MGAM2: variants seen among roughly 807,000 people sequenced by gnomAD.
MGAM2 encodes maltase-glucoamylase 2 (putative).
Under a neutral mutation model 96.1 loss-of-function variants are expected in MGAM2, and 98 were observed. That is an observed-to-expected ratio of 1.02 (90% CI 0.87 to 1.21). The LOEUF (loss-of-function observed/expected upper bound fraction) is 1.21, where lower values mean the gene tolerates loss of function less well. Among genes scored for constraint, MGAM2 ranks in the 50% most tolerant of loss-of-function variants. MGAM2 has a pLI of 0.00. For missense variants in MGAM2, 2,055 were observed against 1,182.4 expected (o/e 1.74, Z -10.82); for synonymous variants, 749 against 414.8 (o/e 1.81, Z -9.79).
intron 46 of MGAM2, 37 bp downstream of exon 46, chr7:142,208,659 C>T: frequency 1.4e-6 from 1 of 698,822 alleles, no homozygotes; most frequent in South Asian, 1.5e-5. Context: ...AATCTTTTCC[C>T]AGGTGTCTAC....
intron 1 of MGAM2, among the ~76,000 whole-genome samples, chr7:142,114,216 G>GAAAGAAAGAGAGAAAGAA (rs1554499599): frequency 2.9e-5 from 2 of 68,032 alleles, no homozygotes; most frequent in Admixed American, 1.6e-4. Flanking sequence ...GAAAGAAAGA[G>GAAAGAAAGAGAGAAAGAA]AGAAAGAAAG....
In MGAM2 at chr7:142,161,971, G is replaced by T. The variant is rs1374641615; in HGVS notation, c.2451G>T (p.Lys817Asn). Reference sequence around the variant, plus strand: ...CTTTTTTAGATGCTGTGACTGAAAAGAAGTATATTCTATATGATTTCTCTG... The same window carrying T: ...CTTTTTTAGATGCTGTGACTGAAAATAAGTATATTCTATATGATTTCTCTG... The part of the protein sequence containing the change: ...DGVSKDAVTE[K>N]KYILYDFSVT... Residue 817 changes from lysine (K) to asparagine (N), a missense_variant, in exon 23 of 48, where the codon AAG (lysine) becomes AAT (asparagine). Physicochemically the swap from Lys to Asn is moderately conservative, Grantham distance 94. Coordinates refer to ENST00000477922, the MANE Select transcript of MGAM2 (RefSeq NM_001293626.2). 9 of 697,614 alleles carry T rather than the reference G, an allele frequency of 1.3e-5. No individual in the cohort carries two copies. Among genetic ancestry groups the T allele is most frequent in the Non-Finnish European group, 2.1e-5 (8 of 383,134 alleles). 43.2% of individuals were successfully genotyped at this position (697,614 alleles called of 1,614,324 possible).
At chr7:142,162,835 G>C (rs542785004) in intron 23 of MGAM2, among the ~76,000 whole-genome samples, 1 of 151,368 alleles carries the variant, frequency 6.6e-6, no homozygotes, top group Non-Finnish European at 1.5e-5. Context: ...TAAACCTATA[G>C]CACAATTTCA....
Position 142,169,993 on chromosome 7 carries a change from T to A in MGAM2, c.3028-82T>A, listed in dbSNP as rs938871620. 1.5e-5 allele frequency: 9 copies of A among 614,900 alleles called. No homozygotes were observed. In the African/African-American group the frequency reaches 1.7e-4, roughly 11 times the overall value. The allele number at this position is 614,900 out of a possible 1,614,324, so 38.1% of individuals were successfully genotyped here. On this transcript the variant is annotated intron_variant, in intron 26 of 47. Transcript: ENST00000477922. ...ATATGGTGCAAACTGGTCAAAAACA[T>A]GGAAACTGAATTATATGGGGTGGCA...
intron 34 of MGAM2, 72 bp downstream of exon 34, chr7:142,185,211 ATAAG>A: frequency 1.5e-6 from 1 of 684,076 alleles, no homozygotes. Flanking sequence ...ATCCTGATGA[ATAAG>A]TAGCTAACCC....
At chr7:142,198,882 C>T (rs540955108) in intron 44 of MGAM2, 143 bp downstream of exon 44, 2 of 554,920 alleles carry the variant, frequency 3.6e-6, no homozygotes, top group Middle Eastern at 9.4e-4. Context: ...CCTGTGAGTG[C>T]TTTCTGAGTG....
At chr7:142,113,556 C>T (rs555380646) in intron 1 of MGAM2, among the ~76,000 whole-genome samples, 1 of 151,876 alleles carries the variant, frequency 6.6e-6, no homozygotes, top group South Asian at 2.1e-4. Context: ...TTCTATTCCT[C>T]AAGTTATTAA....
chr7:142,208,973 C>T (rs917113817), intron 46 of MGAM2, among the ~76,000 whole-genome samples: 30 of 152,112 alleles, frequency 2.0e-4, no homozygotes, highest in African/African-American at 6.0e-4. Flanking sequence ...GCATAAAAGA[C>T]GACCTCAAAA....
rs143271328 is a variant in MGAM2 at position 142,183,702 on chromosome 7, G to A, written c.3924+329G>A. 1.8e-3 allele frequency among the ~76,000 whole-genome samples: 268 copies of A among 152,212 alleles called. 3 individuals carry two copies. Among genetic ancestry groups the A allele is most frequent in the African/African-American group, 5.5e-3 (227 of 41,550 alleles). ...CCAGACACCTGCATGCAAAACATGC[G>A]TTCACCTTTGACCTATCATGCTTAA... is the stretch of plus-strand genomic sequence containing the variant. On this transcript the variant is annotated intron_variant, in intron 33 of 47. Coordinates refer to ENST00000477922, the MANE Select transcript of MGAM2 (RefSeq NM_001293626.2).
intron 22 of MGAM2, 78 bp downstream of exon 22, chr7:142,161,291 T>C: frequency 1.5e-6 from 1 of 680,304 alleles, no homozygotes; most frequent in South Asian, 1.6e-5. Context: ...CTGCCCAATA[T>C]GGCACTAACC....
chr7:142,220,589 A>G lies in MGAM2; in HGVS notation c.6078A>G (p.Ala2026=), dbSNP rs572923223. 1 of 698,404 alleles carries G rather than the reference A, an allele frequency of 1.4e-6. No homozygotes were observed. Among genetic ancestry groups the G allele is most frequent in the South Asian group, 1.5e-5 (1 of 66,916 alleles). The allele number at this position is 698,404 out of a possible 1,614,324, so 43.3% of individuals were successfully genotyped here. A position where few individuals can be genotyped will look rare whatever the true frequency, so the allele number is the denominator to read the frequency against. The change falls in exon 48 of 48, where the codon GCA becomes GCG. Residue 2026 remains alanine, a synonymous_variant. Coordinates refer to ENST00000477922, the MANE Select transcript of MGAM2 (RefSeq NM_001293626.2). ...TPVPITTTLF[A]TSTIGVTTGT... is the part of the protein sequence containing the mutation. ...TTCCTATCACAACCACACTTTTTGC[A>G]ACAAGTACTATTGGTGTTACAACTG...
intron 15 of MGAM2, among the ~76,000 whole-genome samples, chr7:142,151,046 G>C (rs1017741720): frequency 2.6e-5 from 4 of 152,146 alleles, no homozygotes; most frequent in African/African-American, 9.7e-5. Flanking sequence ...TGCCACATTT[G>C]TTCATATTCC....
intron 16 of MGAM2, 100 bp from the exon 17 acceptor site, chr7:142,154,629 A>T (rs1460097591): frequency 1.8e-5 from 12 of 650,880 alleles, no homozygotes; most frequent in Non-Finnish European, 3.1e-5. Context: ...GCATGGGATG[A>T]TGTGACAAAG....
intron 10 of MGAM2, among the ~76,000 whole-genome samples, chr7:142,139,295 C>T (rs1159819604): frequency 1.3e-5 from 2 of 152,142 alleles, no homozygotes; most frequent in South Asian, 2.1e-4. Context: ...AGATGCATAA[C>T]ATGTGGCTAA....
At chr7:142,208,950 A>C (rs955788111) in intron 46 of MGAM2, among the ~76,000 whole-genome samples, 10 of 152,242 alleles carry the variant, frequency 6.6e-5, no homozygotes, top group African/African-American at 2.2e-4. Context: ...TAAGCTACTT[A>C]TTATGCAATA....
In MGAM2 at chr7:142,220,651, C is replaced by T. The variant is rs182529662; in HGVS notation, c.6140C>T (p.Thr2047Ile). ...CCTGATACAACTGCTCCTTTCCCTACAAGTACTACTAGTACTAGCACTAGT... is the reference window on the plus strand; with the variant it reads ...CCTGATACAACTGCTCCTTTCCCTATAAGTACTACTAGTACTAGCACTAGT... ...TVPDTTAPFP[T>I]STTSTSTSAT... Residue 2047 changes from threonine to isoleucine, a missense_variant, in exon 48 of 48, where the codon ACA becomes ATA. Coordinates refer to ENST00000477922, the MANE Select transcript of MGAM2 (RefSeq NM_001293626.2). 75 of 702,318 alleles carry T rather than the reference C, an allele frequency of 1.1e-4. No individual in the cohort carries two copies. The Admixed American group carries it at 1.2e-3, about 11-fold the overall frequency. The allele number at this position is 702,318 out of a possible 1,614,324, so 43.5% of individuals were successfully genotyped here. A position where few individuals can be genotyped will look rare whatever the true frequency, so the allele number is the denominator to read the frequency against.
intron 16 of MGAM2, 144 bp from the exon 17 acceptor site, chr7:142,154,585 G>T: frequency 1.7e-6 from 1 of 603,406 alleles, no homozygotes; most frequent in Non-Finnish European, 3.0e-6. Flanking sequence ...TCCTTTGGCT[G>T]GGAGTGTGCC....
intron 26 of MGAM2, among the ~76,000 whole-genome samples, chr7:142,168,426 C>A (rs532204584): frequency 6.6e-6 from 1 of 152,234 alleles, no homozygotes; most frequent in East Asian, 1.9e-4. Context: ...CCCGCCTCCA[C>A]GCCCAGCTAA....
intron 32 of MGAM2, among the ~76,000 whole-genome samples, chr7:142,182,892 C>A (rs1401486257): frequency 2.6e-5 from 4 of 152,174 alleles, no homozygotes; most frequent in African/African-American, 9.7e-5. Flanking sequence ...TGCTTCCCAG[C>A]CGCATCTAGC....
Sources: allele counts gnomAD v4.1 joint callset (sites outside exome capture counted in the v4.1 genomes callset), GRCh38; gene constraint gnomAD v4.1.1; transcripts MANE v1.5; gene names NCBI Gene and HGNC (gene_info 2026-07-23, HGNC 2026-07-21).